The following AGAP1 variants were observed in gnomAD, a reference collection of about 807,000 sequenced individuals.
AGAP1 encodes the protein arf-GAP with GTPase, ANK repeat and PH domain-containing protein 1.
A neutral mutation model predicts 105.3 loss-of-function variants in AGAP1; 29 were observed. That is an observed-to-expected ratio of 0.28 (90% CI 0.21 to 0.38). AGAP1 has a LOEUF of 0.38. AGAP1 is among the 10% of genes least tolerant of loss of function. The pLI is 1.00. For synonymous variants in AGAP1, 509 were observed against 485.9 expected, an observed-to-expected ratio of 1.05 and a Z score of -0.63; for missense variants, 998 against 1,165.1, an observed-to-expected ratio of 0.86 and a Z score of 2.09.
chr2:235,718,927 G>A (rs1951249684), intron 3 of AGAP1, among the ~76,000 whole-genome samples: 1 of 152,192 alleles, frequency 6.6e-6, no homozygotes, highest in African/African-American at 2.4e-5. Context: ...GGTTTTGACG[G>A]CTTTTATTTG....
chr2:235,917,014 G>A (rs1279182532), intron 11 of AGAP1, among the ~76,000 whole-genome samples: 1 of 152,120 alleles, frequency 6.6e-6, no homozygotes, highest in Non-Finnish European at 1.5e-5. Flanking sequence ...TGTAACTCCT[G>A]GTTGTGACAT....
Position 235,867,010 on chromosome 2 carries a change from T to C in AGAP1, c.1051-16335T>C, listed in dbSNP as rs544720199. 2.6e-5 allele frequency among the ~76,000 whole-genome samples: 4 copies of C among 152,296 alleles called. No homozygotes were observed. The East Asian group carries it at 7.7e-4, about 29-fold the overall frequency. Reference sequence around the variant, plus strand: ...AGCACAATGCAGCCCATAATAGTCATCGTCTAAGGGATGGGCGTCGGGGGG... The same window carrying C: ...AGCACAATGCAGCCCATAATAGTCACCGTCTAAGGGATGGGCGTCGGGGGG... On this transcript the variant is annotated intron_variant, in intron 9 of 17. Coordinates refer to ENST00000304032, the MANE Select transcript of AGAP1 (RefSeq NM_001037131.3). This position sits in a 1 kb window ranked among gnomAD's most constrained non-coding sequence, Gnocchi z 5.4.
chr2:235,783,717 G>C (rs1344805111), intron 6 of AGAP1, among the ~76,000 whole-genome samples: 1 of 152,178 alleles, frequency 6.6e-6, no homozygotes, highest in Non-Finnish European at 1.5e-5. Flanking sequence ...GCCAGGAAGT[G>C]AGAAGGAGGG....
rs781513702 is a variant in AGAP1 at position 236,055,199 on chromosome 2, G to A, written c.2114+5918G>A. 3.9e-5 allele frequency among the ~76,000 whole-genome samples: 6 copies of A among 152,148 alleles called. No homozygotes were observed. Among genetic ancestry groups the A allele is most frequent in the Non-Finnish European group, 2.9e-5 (2 of 68,028 alleles). On this transcript the variant is annotated intron_variant, in intron 16 of 17. Transcript: ENST00000304032. This position sits in a 1 kb window ranked among gnomAD's most constrained non-coding sequence, Gnocchi z 6.2. ...AGAGGGTTCAGGGAGCTGGGGGCTCGTTTGGAGTTTTAATCAGCCTGTCTT... is the reference window on the plus strand; with the variant it reads ...AGAGGGTTCAGGGAGCTGGGGGCTCATTTGGAGTTTTAATCAGCCTGTCTT...
At chr2:235,920,107 A>G (rs933612305) in intron 11 of AGAP1, among the ~76,000 whole-genome samples, 1 of 152,120 alleles carries the variant, frequency 6.6e-6, no homozygotes, top group African/African-American at 2.4e-5. Flanking sequence ...ACGTTGATGT[A>G]TTTAGTAGTC....
intron 1 of AGAP1, among the ~76,000 whole-genome samples, chr2:235,619,993 A>C (rs977854349): frequency 6.6e-6 from 1 of 152,130 alleles, no homozygotes; most frequent in Non-Finnish European, 1.5e-5. Context: ...CCAAGGAGAC[A>C]CATGTTACTG....
chr2:235,858,428 T>C (rs543044506), intron 9 of AGAP1, among the ~76,000 whole-genome samples: 1 of 152,296 alleles, frequency 6.6e-6, no homozygotes, highest in South Asian at 2.1e-4. Flanking sequence ...TTATTTAAGA[T>C]AAGACATTGA....
intron 1 of AGAP1, among the ~76,000 whole-genome samples, chr2:235,636,127 A>G (rs990075835): frequency 3.5e-4 from 52 of 150,492 alleles, no homozygotes; most frequent in African/African-American, 1.2e-3. Flanking sequence ...AAATAAATAA[A>G]TAAATAAATA....
chr2:235,516,562 G>T (rs1383692908), intron 1 of AGAP1, among the ~76,000 whole-genome samples: 1 of 152,098 alleles, frequency 6.6e-6, no homozygotes, highest in African/African-American at 2.4e-5. Flanking sequence ...TAAGTGCTTG[G>T]CACCTGCAGC....
chr2:235,583,546 C>G (rs2149194592), intron 1 of AGAP1, among the ~76,000 whole-genome samples: 1 of 149,964 alleles, frequency 6.7e-6, no homozygotes, highest in South Asian at 2.1e-4. Flanking sequence ...ACCACCATAC[C>G]TGGCTAATTT....
Position 235,963,072 on chromosome 2 carries a change from G to A in AGAP1, c.1484-5390G>A, listed in dbSNP as rs1176921020. On this transcript the variant is annotated intron_variant, in intron 12 of 17. Coordinates refer to ENST00000304032, the MANE Select transcript of AGAP1 (RefSeq NM_001037131.3). This position sits in a 1 kb window ranked among gnomAD's most constrained non-coding sequence, Gnocchi z 5.1. ...GAAATGCTGATGGGTTGGCTGTGGT[G>A]GTCTCTTAGAGGAAGGTGGGTGGTG... 6.6e-6 allele frequency among the ~76,000 whole-genome samples: 1 copy of A among 152,144 alleles called. No homozygotes were observed. The highest frequency in any genetic ancestry group is 1.9e-4 in the East Asian group (1 of 5,184).
At chr2:235,654,925 T>C (rs1334073965) in intron 1 of AGAP1, among the ~76,000 whole-genome samples, 1 of 152,216 alleles carries the variant, frequency 6.6e-6, no homozygotes, top group African/African-American at 2.4e-5. Context: ...TTTCAATCCC[T>C]GTGTTGTCTT....
At chr2:235,520,112 C>T (rs967078449) in intron 1 of AGAP1, among the ~76,000 whole-genome samples, 9 of 152,168 alleles carry the variant, frequency 5.9e-5, no homozygotes, top group Admixed American at 2.0e-4. Context: ...ATTCCAGACA[C>T]CCTGCCATTT....
intron 9 of AGAP1, among the ~76,000 whole-genome samples, chr2:235,862,939 G>A (rs1017292496): frequency 6.6e-6 from 1 of 152,196 alleles, no homozygotes; most frequent in Non-Finnish European, 1.5e-5. Flanking sequence ...TCTGCTCTGT[G>A]TAGGGCAGGG....
At chr2:236,048,643 T>C (rs1209799594) in intron 15 of AGAP1, among the ~76,000 whole-genome samples, 3 of 152,204 alleles carry the variant, frequency 2.0e-5, no homozygotes, top group African/African-American at 7.2e-5. Flanking sequence ...AGTCACGGTG[T>C]CACCCAGCTG....
chr2:235,977,628 A>T lies in AGAP1; in HGVS notation c.1645+9005A>T, dbSNP rs931870756. The stretch of plus-strand genomic sequence containing the variant: ...CAGGAAGTAGAGATGCCCGGGGGTT[A>T]TATTTTCAGATGTTCTAGCTGAGCT... On this transcript the variant is annotated intron_variant, in intron 13 of 17. Transcript: ENST00000304032. This position sits in a 1 kb window ranked among gnomAD's most constrained non-coding sequence, Gnocchi z 5.2. 1.3e-5 allele frequency among the ~76,000 whole-genome samples: 2 copies of T among 152,112 alleles called. No individual in the cohort carries two copies. Among genetic ancestry groups the T allele is most frequent in the African/African-American group, 4.8e-5 (2 of 41,414 alleles).
chr2:235,797,649 C>T (rs1429967785), intron 6 of AGAP1, 110 bp from the exon 7 acceptor site: 2 of 1,399,874 alleles, frequency 1.4e-6, no homozygotes, highest in East Asian at 2.3e-5. Flanking sequence ...AATGCTATTA[C>T]TGCGAAAGAA....
At chr2:235,672,809 C>T (rs973989387) in intron 1 of AGAP1, among the ~76,000 whole-genome samples, 1 of 152,156 alleles carries the variant, frequency 6.6e-6, no homozygotes, top group African/African-American at 2.4e-5. Context: ...AAGTTAAAAG[C>T]ATTTGGAGTT....
At chr2:235,835,644 G>A (rs1327497979) in intron 9 of AGAP1, among the ~76,000 whole-genome samples, 1 of 152,216 alleles carries the variant, frequency 6.6e-6, no homozygotes, top group Non-Finnish European at 1.5e-5. Context: ...GCTCTCCATG[G>A]ACACTGAGTT....
Sources: gnomAD v4.1 joint callset for allele counts (sites outside exome capture counted in the v4.1 genomes callset) on GRCh38, gnomAD v4.1.1 for gene constraint, Gnocchi (gnomAD v3.1) non-coding constraint, MANE v1.5 for transcripts, NCBI Gene and HGNC (gene_info 2026-07-23, HGNC 2026-07-21) for gene names.